NR2F1-AS1: variants seen among roughly 807,000 people sequenced by gnomAD.
NR2F1-AS1 encodes the protein NR2F1 regulatory antisense RNA 1, also known as NR2F1 antisense RNA 1.
At chr5:93,494,611 T>C (rs138716577) in intron 4 of NR2F1-AS1, among the ~76,000 whole-genome samples, 1,956 of 152,164 alleles carry the variant, frequency 0.013, 48 homozygotes, top group African/African-American at 0.045. Context: ...CAAGACTCCA[T>C]CTCAAAAGAA....
At chr5:93,575,463 T>G (rs1165648361) in intron 1 of NR2F1-AS1, among the ~76,000 whole-genome samples, 1 of 152,242 alleles carries the variant, frequency 6.6e-6, no homozygotes, top group Non-Finnish European at 1.5e-5. Flanking sequence ...CTATAGCATG[T>G]AAAACTTTTA....
At chr5:93,562,195 A>AAAAAAAAG (rs755007063) in intron 2 of NR2F1-AS1, among the ~76,000 whole-genome samples, 21 of 136,662 alleles carry the variant, frequency 1.5e-4, no homozygotes, top group African/African-American at 4.8e-4. Context: ...AAAAAAAAAA[A>AAAAAAAAG]AAAAGAAAAG....
At chr5:93,502,573 G>C (rs1201835225) in intron 4 of NR2F1-AS1, among the ~76,000 whole-genome samples, 1 of 151,878 alleles carries the variant, frequency 6.6e-6, no homozygotes, top group East Asian at 1.9e-4. Context: ...TGAAATAACT[G>C]AGGTACCTGA....
intron 4 of NR2F1-AS1, among the ~76,000 whole-genome samples, chr5:93,466,394 G>A (rs116371412): frequency 4.1e-4 from 62 of 150,466 alleles, no homozygotes; most frequent in Middle Eastern, 3.4e-3. Flanking sequence ...GTGCAGTGGC[G>A]CACTCAATCT....
chr5:93,578,655 C>G (rs913681436), intron 1 of NR2F1-AS1, among the ~76,000 whole-genome samples: 2 of 152,028 alleles, frequency 1.3e-5, no homozygotes, highest in African/African-American at 4.8e-5. Flanking sequence ...GCTTAAGGTT[C>G]CGAGGTGAAA....
chr5:93,529,007 T>C (rs1056841341), intron 4 of NR2F1-AS1, among the ~76,000 whole-genome samples: 1 of 152,050 alleles, frequency 6.6e-6, no homozygotes, highest in African/African-American at 2.4e-5. Context: ...GTAACAAACC[T>C]GCACGTTCTG....
At chr5:93,416,538 C>A (rs552393585) in intron 4 of NR2F1-AS1, among the ~76,000 whole-genome samples, 1 of 152,272 alleles carries the variant, frequency 6.6e-6, no homozygotes, top group East Asian at 1.9e-4. Flanking sequence ...AGCATAACAG[C>A]AACAGCTGAC....
intron 4 of NR2F1-AS1, among the ~76,000 whole-genome samples, chr5:93,484,551 CAAA>C (rs1237003345): frequency 6.6e-6 from 1 of 151,992 alleles, no homozygotes; most frequent in Non-Finnish European, 1.5e-5. Context: ...AACTAACGAG[CAAA>C]ATAACCACCT....
intron 4 of NR2F1-AS1, among the ~76,000 whole-genome samples, chr5:93,417,160 C>A (rs1161817212): frequency 6.6e-6 from 1 of 152,324 alleles, no homozygotes; most frequent in Non-Finnish European, 1.5e-5. Context: ...ATAGTGCCAT[C>A]CCCCTGCAAT....
chr5:93,467,890 G>C (rs1213981385), intron 4 of NR2F1-AS1, among the ~76,000 whole-genome samples: 2 of 152,166 alleles, frequency 1.3e-5, no homozygotes, highest in Admixed American at 1.3e-4. Flanking sequence ...TCCCACCTAT[G>C]AGTGAGAACA....
intron 1 of NR2F1-AS1, among the ~76,000 whole-genome samples, chr5:93,574,463 C>T (rs973365516): frequency 1.3e-5 from 2 of 152,072 alleles, no homozygotes; most frequent in African/African-American, 4.8e-5. Context: ...CCAGTCATGA[C>T]CCTGGGCCAC....
At chr5:93,413,036 C>T (rs1748890995) in intron 4 of NR2F1-AS1, among the ~76,000 whole-genome samples, 1 of 150,786 alleles carries the variant, frequency 6.6e-6, no homozygotes, top group African/African-American at 2.4e-5. Flanking sequence ...AACTTCCTCA[C>T]CCAGCCTAGA....
At chr5:93,533,334 A>G (rs1751771671) in intron 4 of NR2F1-AS1, among the ~76,000 whole-genome samples, 1 of 152,092 alleles carries the variant, frequency 6.6e-6, no homozygotes, top group South Asian at 2.1e-4. Flanking sequence ...TTCACGAGTT[A>G]TTTTCTGAAT....
intron 4 of NR2F1-AS1, among the ~76,000 whole-genome samples, chr5:93,540,728 T>C (rs1011180671): frequency 6.6e-6 from 1 of 152,074 alleles, no homozygotes; most frequent in African/African-American, 2.4e-5. Context: ...AATTTTTCCC[T>C]TCAAAAAAAA....
At chr5:93,419,154 G>A (rs1018598255) in intron 4 of NR2F1-AS1, among the ~76,000 whole-genome samples, 4 of 152,156 alleles carry the variant, frequency 2.6e-5, no homozygotes, top group Admixed American at 6.5e-5. Context: ...ATCCATACTC[G>A]GGAGCACTGT....
chr5:93,475,427 T>C (rs529732965), intron 4 of NR2F1-AS1, among the ~76,000 whole-genome samples: 1 of 152,340 alleles, frequency 6.6e-6, no homozygotes, highest in African/African-American at 2.4e-5. Flanking sequence ...GCCTTTGTTA[T>C]TCTGCCTACA....
chr5:93,520,072 T>G (rs1266812010), intron 4 of NR2F1-AS1, among the ~76,000 whole-genome samples: 1 of 152,062 alleles, frequency 6.6e-6, no homozygotes, highest in Non-Finnish European at 1.5e-5. Context: ...AATATATAGA[T>G]CCTATTAAAT....
chr5:93,437,329 T>C (rs1249072047), intron 4 of NR2F1-AS1, among the ~76,000 whole-genome samples: 1 of 152,174 alleles, frequency 6.6e-6, no homozygotes, highest in Non-Finnish European at 1.5e-5. Flanking sequence ...CACTAATAAT[T>C]TTATGTTGAT....
At chr5:93,506,998 T>C (rs1301254802) in intron 4 of NR2F1-AS1, among the ~76,000 whole-genome samples, 1 of 152,182 alleles carries the variant, frequency 6.6e-6, no homozygotes, top group African/African-American at 2.4e-5. Context: ...TCTACTTAAC[T>C]GTGTCATAAT....
Sources: allele counts gnomAD v4.1 joint callset (sites outside exome capture counted in the v4.1 genomes callset), GRCh38; gene constraint gnomAD v4.1.1; transcripts MANE v1.5; gene names NCBI Gene and HGNC (gene_info 2026-07-23, HGNC 2026-07-21).